Variants in TSGA10 observed in about 807,000 individuals in gnomAD.
TSGA10 encodes testis-specific gene 10 protein.
A neutral mutation model predicts 96.6 loss-of-function variants in TSGA10; 43 were observed. That is an observed-to-expected ratio of 0.44 (90% CI 0.35 to 0.57). The LOEUF (loss-of-function observed/expected upper bound fraction) is 0.57. Ranked by LOEUF, TSGA10 falls within the 20% of genes least tolerant of loss-of-function variation. The pLI is 0.01. For missense variants in TSGA10, 703 were observed against 834.4 expected, an observed-to-expected ratio of 0.84 and a Z score of 1.94; for synonymous variants, 229 against 269.9, an observed-to-expected ratio of 0.85 and a Z score of 1.48.
At chr2:99,072,104 C>T (rs2086045521) in intron 13 of TSGA10, among the ~76,000 whole-genome samples, 2 of 152,162 alleles carry the variant, frequency 1.3e-5, no homozygotes, top group Admixed American at 1.3e-4. Context: ...CAATGATTTG[C>T]CAAATATTTC....
chr2:99,067,020 T>C (rs1019609863), intron 15 of TSGA10, among the ~76,000 whole-genome samples: 2 of 152,216 alleles, frequency 1.3e-5, no homozygotes, highest in African/African-American at 2.4e-5. Flanking sequence ...AAATAACTTA[T>C]ATGTTTTAGT....
At chr2:99,073,973 C>T (rs1255703698) in intron 12 of TSGA10, among the ~76,000 whole-genome samples, 2 of 142,922 alleles carry the variant, frequency 1.4e-5, no homozygotes, top group Non-Finnish European at 3.0e-5. Flanking sequence ...CCTATATTTT[C>T]CAACCAATTC....
intron 1 of TSGA10, among the ~76,000 whole-genome samples, chr2:99,145,071 A>G (rs2093618636): frequency 6.6e-6 from 1 of 152,202 alleles, no homozygotes; most frequent in Non-Finnish European, 1.5e-5. Flanking sequence ...GCTAAAATCA[A>G]GATGTCAGGC....
Position 99,117,656 on chromosome 2 carries a change from T to C in TSGA10, c.-252A>G, listed in dbSNP as rs2092349391. 2 of 985,744 alleles carry C rather than the reference T, an allele frequency of 2.0e-6. No individual in the cohort carries two copies. Among genetic ancestry groups the C allele is most frequent in the East Asian group, 1.1e-4 (1 of 8,832 alleles). The allele number at this position is 985,744 out of a possible 1,614,324, so 61.1% of individuals were successfully genotyped here. A position where few individuals can be genotyped will look rare whatever the true frequency, so the allele number is the denominator to read the frequency against. ...CAATTCTTTACAAAGATGCTCATTG[T>C]GGCTGGTTAAATCATCTACTTGACT... On this transcript the variant is annotated 5_prime_UTR_variant, in exon 4 of 21. Coordinates refer to ENST00000393483, the MANE Select transcript of TSGA10 (RefSeq NM_025244.4).
At chr2:99,081,940 C>G (rs923929346) in intron 10 of TSGA10, among the ~76,000 whole-genome samples, 22 of 152,228 alleles carry the variant, frequency 1.4e-4, no homozygotes, top group Non-Finnish European at 1.5e-5. Flanking sequence ...TAAATTTTCC[C>G]TTTTTGTCTC....
At chr2:99,115,299 T>G (rs1387685412) in intron 4 of TSGA10, among the ~76,000 whole-genome samples, 1 of 152,056 alleles carries the variant, frequency 6.6e-6, no homozygotes, top group Admixed American at 6.6e-5. Flanking sequence ...TGAATGTTAC[T>G]TTAAAAAAAG....
At chr2:99,086,244 A>T (rs543924688) in intron 10 of TSGA10, among the ~76,000 whole-genome samples, 23 of 152,302 alleles carry the variant, frequency 1.5e-4, no homozygotes, top group South Asian at 6.2e-4. Context: ...AAAAAAAAGA[A>T]CTCTGACCAC....
chr2:99,092,726 G>A (rs1457730636), intron 10 of TSGA10, among the ~76,000 whole-genome samples: 2 of 152,094 alleles, frequency 1.3e-5, no homozygotes, highest in African/African-American at 2.4e-5. Context: ...AAACCAGGAA[G>A]AATTAGAAAC....
intron 10 of TSGA10, among the ~76,000 whole-genome samples, chr2:99,088,627 G>C (rs1574220970): frequency 6.6e-6 from 1 of 152,128 alleles, no homozygotes; most frequent in South Asian, 2.1e-4. Flanking sequence ...GTGGAAAACT[G>C]ATCATTCCTT....
intron 1 of TSGA10, among the ~76,000 whole-genome samples, chr2:99,143,983 T>C (rs1265759159): frequency 1.3e-5 from 2 of 152,248 alleles, no homozygotes; most frequent in African/African-American, 4.8e-5. Flanking sequence ...GTTAAGCCAC[T>C]TGATCTTGTT....
chr2:99,055,886 AAAG>A (rs1286686596), intron 16 of TSGA10, among the ~76,000 whole-genome samples: 1 of 151,084 alleles, frequency 6.6e-6, no homozygotes, highest in African/African-American at 2.4e-5. Flanking sequence ...AAAAGGAAGA[AAAG>A]AAATTACTGA....
intron 10 of TSGA10, 42 bp downstream of exon 10, chr2:99,103,925 G>C (rs1202421132): frequency 1.9e-6 from 3 of 1,596,292 alleles, no homozygotes; most frequent in Admixed American, 1.7e-5. Context: ...CAGAGCTATA[G>C]TTATAGTAAA....
intron 20 of TSGA10, among the ~76,000 whole-genome samples, chr2:99,009,571 CAAAAAAAAAAAAA>C (rs765452742): frequency 1.3e-4 from 6 of 45,434 alleles, no homozygotes; most frequent in Non-Finnish European, 2.1e-4. Flanking sequence ...GACCCTGTCT[CAAAAAAAAAAAAA>C]AAAAAAAAAA....
At chr2:99,144,146 G>A (rs1297742396) in intron 1 of TSGA10, among the ~76,000 whole-genome samples, 4 of 151,938 alleles carry the variant, frequency 2.6e-5, no homozygotes, top group African/African-American at 4.8e-5. Context: ...TCAGCCTCCC[G>A]AGCAGCTGGG....
intron 20 of TSGA10, among the ~76,000 whole-genome samples, chr2:99,006,693 G>T (rs2078510479): frequency 6.6e-6 from 1 of 152,204 alleles, no homozygotes; most frequent in Non-Finnish European, 1.5e-5. Context: ...TTACACGGTT[G>T]GTGGGACTGT....
At chr2:99,115,562 A>C (rs190125794) in intron 4 of TSGA10, among the ~76,000 whole-genome samples, 1 of 152,182 alleles carries the variant, frequency 6.6e-6, no homozygotes. Context: ...GTATCCTTAA[A>C]GTAATAACTC....
chr2:99,128,261 A>T (rs2105004955), intron 1 of TSGA10, among the ~76,000 whole-genome samples: 1 of 152,212 alleles, frequency 6.6e-6, no homozygotes, highest in Non-Finnish European at 1.5e-5. Context: ...AACAAGACAC[A>T]ACTCTTCTTC....
At chr2:99,080,532 G>C (rs928598174) in intron 11 of TSGA10, among the ~76,000 whole-genome samples, 1 of 152,074 alleles carries the variant, frequency 6.6e-6, no homozygotes, top group Admixed American at 6.6e-5. Flanking sequence ...TAAATATTCA[G>C]CTGCTTACCT....
intron 1 of TSGA10, chr2:99,150,688 A>G (rs1237042869): frequency 1.3e-5 from 21 of 1,614,092 alleles, no homozygotes; most frequent in Non-Finnish European, 1.7e-5. Flanking sequence ...ATTTCAAAAC[A>G]CCAAGAAAAT....
Sources: allele counts gnomAD v4.1 joint callset (sites outside exome capture counted in the v4.1 genomes callset), GRCh38; gene constraint gnomAD v4.1.1; transcripts MANE v1.5; gene names NCBI Gene and HGNC (gene_info 2026-07-23, HGNC 2026-07-21).